The following PCDHGA11 variants were observed in gnomAD, a reference collection of about 807,000 sequenced individuals.
PCDHGA11 encodes protocadherin gamma-A11.
PCDHGA11 carries 39 observed loss-of-function variants against 60.4 expected under a neutral mutation model. That is an observed-to-expected ratio of 0.65 (90% CI 0.50 to 0.84). The LOEUF (loss-of-function observed/expected upper bound fraction) is 0.84, where lower values mean the gene tolerates loss of function less well. PCDHGA11 is among the 40% of genes least tolerant of loss of function. The pLI, the probability that PCDHGA11 is intolerant of heterozygous loss-of-function variation, is 0.00. For synonymous variants in PCDHGA11, 533 were observed against 510.3 expected (o/e 1.04, Z -0.60); for missense variants, 1,165 against 1,197.7 (o/e 0.97, Z 0.40).
Position 141,487,247 on chromosome 5 carries a change from T to C in PCDHGA11, c.2434-7560T>C. Reference sequence around the variant, plus strand: ...GGAAGGAGAATCTCGTCTAACCCTCTACTTGGCTGTGTCCCTAGTGGCAAT... The same window carrying C: ...GGAAGGAGAATCTCGTCTAACCCTCCACTTGGCTGTGTCCCTAGTGGCAAT... On this transcript the variant is annotated intron_variant, in intron 1 of 3. Transcript: ENST00000398587. This position sits in a 1 kb window ranked among gnomAD's most constrained non-coding sequence, Gnocchi z 5.0. 1 of 1,614,174 alleles carries C rather than the reference T, an allele frequency of 6.2e-7. No individual in the cohort carries two copies. The highest frequency in any genetic ancestry group is 1.3e-5 in the African/African-American group (1 of 75,048).
intron 1 of PCDHGA11, among the ~76,000 whole-genome samples, chr5:141,453,490 G>A (rs921556476): frequency 6.6e-6 from 1 of 151,922 alleles, no homozygotes; most frequent in Admixed American, 6.6e-5. Flanking sequence ...TTAAAAAAAG[G>A]TGTACTCAGA....
intron 1 of PCDHGA11, chr5:141,427,892 C>A (rs752723370): frequency 9.9e-5 from 155 of 1,567,044 alleles, no homozygotes; most frequent in Non-Finnish European, 1.3e-4. Context: ...ACGACCAGGG[C>A]TCGCCCGCGC....
chr5:141,464,079 A>G (rs996899520), intron 1 of PCDHGA11, among the ~76,000 whole-genome samples: 3 of 152,124 alleles, frequency 2.0e-5, no homozygotes, highest in Non-Finnish European at 4.4e-5. Flanking sequence ...AGCCTGGCCA[A>G]CATGGTGAAA....
rs1273420440 is a variant in PCDHGA11, at chr5:141,422,828, T to C, written c.1601T>C (p.Ile534Thr). 1.2e-6 allele frequency: 2 copies of C among 1,614,232 alleles called. No homozygotes were observed. Among genetic ancestry groups the C allele is most frequent in the East Asian group, 4.5e-5 (2 of 44,874 alleles). The change falls in exon 1 of 4, where the codon ATA (isoleucine) becomes ACA (threonine). Residue 534 changes from isoleucine to threonine, a missense_variant. Ile to Thr is a moderately conservative substitution (Grantham distance 89, BLOSUM62 -1). Transcript: ENST00000398587. ...TTTCGAGACTTAGAACTGAGAGTGA[T>C]AGCACGTGACAGCGGGGACCCGCCC... ...EQFRDLELRV[I>T]ARDSGDPPLS...
chr5:141,464,970 G>A (rs550643230), intron 1 of PCDHGA11, among the ~76,000 whole-genome samples: 1 of 152,028 alleles, frequency 6.6e-6, no homozygotes, highest in East Asian at 1.9e-4. Flanking sequence ...TTGAACTACT[G>A]GCTTCAAGTG....
chr5:141,432,016 C>G lies in PCDHGA11; in HGVS notation c.2433+8356C>G. 1 of 1,614,202 alleles carries G rather than the reference C, an allele frequency of 6.2e-7. No individual in the cohort carries two copies. The highest frequency in any genetic ancestry group is 1.1e-5 in the South Asian group (1 of 91,082). ...ATAGGGAACAGGTTCCTAGCTACAACATCACAGTGACCGCCACTGACCGGG... is the reference window on the plus strand; with the variant it reads ...ATAGGGAACAGGTTCCTAGCTACAAGATCACAGTGACCGCCACTGACCGGG... On this transcript the variant is annotated intron_variant, in intron 1 of 3. Coordinates refer to ENST00000398587, the MANE Select transcript of PCDHGA11 (RefSeq NM_018914.3). The surrounding 1 kb of genome is among the most constrained non-coding windows in gnomAD (Gnocchi z 6.0).
At chr5:141,430,641 T>C (rs1332550435) in intron 1 of PCDHGA11, 2 of 902,672 alleles carry the variant, frequency 2.2e-6, no homozygotes, top group East Asian at 5.4e-5. Flanking sequence ...TCCCTGGGAG[T>C]ATGTGGAAAC....
rs1309124846 is a variant in PCDHGA11, at chr5:141,491,295, T to C, written c.2434-3512T>C. On this transcript the variant is annotated intron_variant, in intron 1 of 3. Coordinates refer to ENST00000398587, the MANE Select transcript of PCDHGA11 (RefSeq NM_018914.3). This position sits in a 1 kb window ranked among gnomAD's most constrained non-coding sequence, Gnocchi z 6.9. ...CCAGTGACTTCCTCATACACCCTCC[T>C]GAGCGTTCAGACCTTACCCTTTACC... The C allele has an allele frequency of 6.2e-7, 1 of 1,614,176 alleles. No homozygotes were observed. Among genetic ancestry groups the C allele is most frequent in the Non-Finnish European group, 8.5e-7 (1 of 1,179,994 alleles).
chr5:141,499,565 C>T (rs1291006795), intron 2 of PCDHGA11, among the ~76,000 whole-genome samples: 1 of 152,168 alleles, frequency 6.6e-6, no homozygotes, highest in East Asian at 1.9e-4. Flanking sequence ...CACTATCCAG[C>T]TTCAACTAAT....
chr5:141,489,300 C>A lies in PCDHGA11; in HGVS notation c.2434-5507C>A. On this transcript the variant is annotated intron_variant, in intron 1 of 3. Coordinates refer to ENST00000398587, the MANE Select transcript of PCDHGA11 (RefSeq NM_018914.3). The surrounding 1 kb of genome is among the most constrained non-coding windows in gnomAD (Gnocchi z 4.5). ...AATGGCAAGTGCTGTGCATGTTGTC[C>A]TTGTGCTGCTGGGGCTGGGTGTCTG... 1 of 1,585,698 alleles carries A rather than the reference C, an allele frequency of 6.3e-7. No homozygotes were observed. Among genetic ancestry groups the A allele is most frequent in the South Asian group, 1.2e-5 (1 of 85,012 alleles).
At chr5:141,499,689 CTTTTTTTTTTT>C in intron 2 of PCDHGA11, among the ~76,000 whole-genome samples, 1 of 119,852 alleles carries the variant, frequency 8.3e-6, no homozygotes, top group Non-Finnish European at 1.7e-5. Context: ...TAACAGATGA[CTTTTTTTTTTT>C]TTTTTTTTTT....
At chr5:141,446,049 G>T (rs1043671484) in intron 1 of PCDHGA11, among the ~76,000 whole-genome samples, 1 of 152,100 alleles carries the variant, frequency 6.6e-6, no homozygotes, top group African/African-American at 2.4e-5. Context: ...AAGAAGAGCT[G>T]GCTTGGATTA....
Position 141,476,962 on chromosome 5 carries a change from C to T in PCDHGA11, c.2434-17845C>T. The stretch of plus-strand genomic sequence containing the variant: ...GCCCCAACGGTGAAATTATTTACTC[C>T]TTCGGCAGCCACAACCGCGCCGGCG... On this transcript the variant is annotated intron_variant, in intron 1 of 3. Coordinates refer to ENST00000398587, the MANE Select transcript of PCDHGA11 (RefSeq NM_018914.3). The surrounding 1 kb of genome is among the most constrained non-coding windows in gnomAD (Gnocchi z 7.6). 6.2e-7 allele frequency: 1 copy of T among 1,614,200 alleles called. No homozygotes were observed. Among genetic ancestry groups the T allele is most frequent in the South Asian group, 1.1e-5 (1 of 91,090 alleles).
chr5:141,463,874 G>T (rs1311566242), intron 1 of PCDHGA11, among the ~76,000 whole-genome samples: 1 of 152,136 alleles, frequency 6.6e-6, no homozygotes, highest in Non-Finnish European at 1.5e-5. Flanking sequence ...TGACTGAAAG[G>T]AAAAGTTTTC....
rs926009065 is a variant in PCDHGA11, at chr5:141,488,023, AG to A, written c.2434-6782del. ...TCAGATTCTGAAGTACCTTAACTCT[AG>A]GTTACCATTTCCCAAGGGATTGAGG... On this transcript the variant is annotated intron_variant, in intron 1 of 3. Transcript: ENST00000398587. 1.4e-3 allele frequency among the ~76,000 whole-genome samples: 213 copies of A among 152,260 alleles called. 1 individual carries two copies. The highest frequency in any genetic ancestry group is 5.0e-3 in the African/African-American group (208 of 41,542).
rs953428261 is a variant in PCDHGA11, at chr5:141,430,262, T to C, written c.2433+6602T>C. On this transcript the variant is annotated intron_variant, in intron 1 of 3. Coordinates refer to ENST00000398587, the MANE Select transcript of PCDHGA11 (RefSeq NM_018914.3). ...AACTCCTAGGGAGACATCTCCATAA[T>C]AGGTGTGTTGGGGGAACAGTAATCT... Among the ~76,000 whole-genome samples the C allele has an allele frequency of 2.6e-5, 4 of 151,892 alleles. No homozygotes were observed. The East Asian group carries it at 5.8e-4, about 22-fold the overall frequency.
At chr5:141,453,909 T>C (rs1484310834) in intron 1 of PCDHGA11, among the ~76,000 whole-genome samples, 1 of 152,236 alleles carries the variant, frequency 6.6e-6, no homozygotes, top group Non-Finnish European at 1.5e-5. Flanking sequence ...TTTCAAAGTA[T>C]GTCAGTGATC....
rs1322608789 is a variant in PCDHGA11, at chr5:141,485,671, G to A, written c.2434-9136G>A. 3 of 1,612,860 alleles carry A rather than the reference G, an allele frequency of 1.9e-6. No homozygotes were observed. The highest frequency in any genetic ancestry group is 2.5e-6 in the Non-Finnish European group (3 of 1,179,040). On this transcript the variant is annotated intron_variant, in intron 1 of 3. Coordinates refer to ENST00000398587, the MANE Select transcript of PCDHGA11 (RefSeq NM_018914.3). This position sits in a 1 kb window ranked among gnomAD's most constrained non-coding sequence, Gnocchi z 5.7. Reference sequence around the variant, plus strand: ...AGGATGCAGATGTGGGGAGCAATTCGATTAGCAGCTATAGGCTGAGCTCCA... The same window carrying A: ...AGGATGCAGATGTGGGGAGCAATTCAATTAGCAGCTATAGGCTGAGCTCCA...
At chr5:141,441,930 G>T in intron 1 of PCDHGA11, 1 of 347,232 alleles carries the variant, frequency 2.9e-6, no homozygotes, top group Non-Finnish European at 5.5e-6. Flanking sequence ...ATGCGTGGCT[G>T]TCCTACCACG....
Sources: allele counts gnomAD v4.1 joint callset (sites outside exome capture counted in the v4.1 genomes callset), GRCh38; gene constraint gnomAD v4.1.1; non-coding constraint Gnocchi (gnomAD v3.1); transcripts MANE v1.5; gene names NCBI Gene and HGNC (gene_info 2026-07-23, HGNC 2026-07-21).